TNFRSF19: variants seen among roughly 807,000 people sequenced by gnomAD.
TNFRSF19 encodes the protein TNF receptor superfamily member 19, also known as tumor necrosis factor receptor superfamily member 19.
In TNFRSF19, 27 loss-of-function variants were observed where a neutral mutation model predicts 46.4. The observed-to-expected ratio is 0.58, with a 90% CI of 0.43 to 0.80. TNFRSF19 has a LOEUF of 0.80. TNFRSF19 is among the 30% of genes least tolerant of loss of function. TNFRSF19 has a pLI of 0.00. For synonymous variants in TNFRSF19, 204 were observed against 205.0 expected (o/e 1.00, Z 0.04); for missense variants, 511 against 530.8 (o/e 0.96, Z 0.37).
At chr13:23,576,154 G>A (rs1234998285) in intron 1 of TNFRSF19, among the ~76,000 whole-genome samples, 1 of 145,334 alleles carries the variant, frequency 6.9e-6, no homozygotes, top group East Asian at 2.0e-4. Context: ...TTTTTTTTGA[G>A]ACCGAGTCTT....
chr13:23,587,974 G>A (rs909051441), intron 1 of TNFRSF19, among the ~76,000 whole-genome samples: 1 of 152,158 alleles, frequency 6.6e-6, no homozygotes, highest in African/African-American at 2.4e-5. Flanking sequence ...CTATTTGTCC[G>A]ACGGATTACA....
chr13:23,650,703 T>C (rs1229532605), intron 5 of TNFRSF19, among the ~76,000 whole-genome samples: 5 of 152,194 alleles, frequency 3.3e-5, no homozygotes, highest in African/African-American at 1.2e-4. Context: ...ATTCAGCTTC[T>C]TAATAGTAAA....
At chr13:23,636,265 A>T (rs1882671384) in intron 5 of TNFRSF19, among the ~76,000 whole-genome samples, 1 of 152,200 alleles carries the variant, frequency 6.6e-6, no homozygotes. Context: ...AATTCCTGAA[A>T]ATATTGCCAG....
chr13:23,638,173 C>T (rs1247175296), intron 5 of TNFRSF19, among the ~76,000 whole-genome samples: 1 of 152,048 alleles, frequency 6.6e-6, no homozygotes, highest in Admixed American at 6.6e-5. Flanking sequence ...GTTATGGGTC[C>T]GTAGACTATT....
At chr13:23,597,265 T>C (rs1053579702) in intron 3 of TNFRSF19, among the ~76,000 whole-genome samples, 8 of 151,686 alleles carry the variant, frequency 5.3e-5, no homozygotes, top group Non-Finnish European at 1.2e-4. Context: ...CTGAAGGAGA[T>C]AGAGACACCA....
chr13:23,579,035 G>A (rs1020772053), intron 1 of TNFRSF19, among the ~76,000 whole-genome samples: 1 of 152,234 alleles, frequency 6.6e-6, no homozygotes, highest in African/African-American at 2.4e-5. Flanking sequence ...CGCGGGAAAG[G>A]CTGAAAGGTG....
At position 23,659,155 on chromosome 13, in the gene TNFRSF19, C is replaced by T; in HGVS notation, c.551C>T (p.Ala184Val). The part of the protein sequence containing the change: ...ICSALATVLL[A>V]LLILCVIYCK... Reference sequence around the variant, plus strand: ...AGCGCTCTGGCCACCGTCCTGCTGGCCCTGCTCATCCTCTGTGTCATCTAT... The same window carrying T: ...AGCGCTCTGGCCACCGTCCTGCTGGTCCTGCTCATCCTCTGTGTCATCTAT... The change falls in exon 6 of 10, where the codon GCC becomes GTC. Residue 184 changes from alanine to valine, a missense_variant. By Grantham distance (64) the Ala-to-Val change is moderately conservative. This residue lies in a region of TNFRSF19 where 376 missense variants were observed against 372.7 expected (regional missense o/e 1.01). Coordinates refer to ENST00000248484, the MANE Select transcript of TNFRSF19 (RefSeq NM_148957.4). The surrounding 1 kb of genome is among the most constrained non-coding windows in gnomAD (Gnocchi z 4.9). The T allele has an allele frequency of 6.2e-7, 1 of 1,614,150 alleles. No homozygotes were observed. Among genetic ancestry groups the T allele is most frequent in the Non-Finnish European group, 8.5e-7 (1 of 1,180,034 alleles).
At chr13:23,607,610 A>G (rs1275476932) in intron 3 of TNFRSF19, among the ~76,000 whole-genome samples, 2 of 152,232 alleles carry the variant, frequency 1.3e-5, no homozygotes, top group Non-Finnish European at 2.9e-5. Flanking sequence ...AAGCTAGACC[A>G]AACTATTGAT....
At chr13:23,667,122 T>G (rs1427369570) in intron 7 of TNFRSF19, among the ~76,000 whole-genome samples, 3 of 81,354 alleles carry the variant, frequency 3.7e-5, no homozygotes, top group African/African-American at 1.6e-4. Flanking sequence ...ATCAGAGTGA[T>G]ATATATATAT....
intron 5 of TNFRSF19, among the ~76,000 whole-genome samples, chr13:23,634,277 C>T (rs773257873): frequency 2.0e-5 from 3 of 152,194 alleles, no homozygotes; most frequent in African/African-American, 7.2e-5. Context: ...TCTTCAAAGT[C>T]GCTGTGTGCC....
intron 3 of TNFRSF19, among the ~76,000 whole-genome samples, chr13:23,604,839 A>G (rs1030721331): frequency 2.6e-5 from 4 of 152,210 alleles, no homozygotes; most frequent in Non-Finnish European, 5.9e-5. Flanking sequence ...AAAACAGGTC[A>G]CAGACCTAAC....
Position 23,673,783 on chromosome 13 carries a change from T to C in TNFRSF19, c.*403T>C. 5.4e-6 allele frequency: 1 copy of C among 186,746 alleles called. No homozygotes were observed. Among genetic ancestry groups the C allele is most frequent in the Non-Finnish European group, 1.1e-5 (1 of 91,620 alleles). The allele number at this position is 186,746 out of a possible 1,614,324, so 11.6% of individuals were successfully genotyped here. A position where few individuals can be genotyped will look rare whatever the true frequency, so the allele number is the denominator to read the frequency against. On this transcript the variant is annotated 3_prime_UTR_variant, in exon 10 of 10. Coordinates refer to ENST00000248484, the MANE Select transcript of TNFRSF19 (RefSeq NM_148957.4). ...AAGACTGAAGACCCAGAGTATACTT[T>C]TTCTTTCCAGAAATAATTTCATACC...
At chr13:23,650,593 G>T (rs966740495) in intron 5 of TNFRSF19, among the ~76,000 whole-genome samples, 25 of 152,152 alleles carry the variant, frequency 1.6e-4, no homozygotes, top group Admixed American at 2.6e-4. Flanking sequence ...CTGCAGGGAT[G>T]GGGGAAAGGG....
At chr13:23,669,511 A>C (rs1450159854) in intron 9 of TNFRSF19, 1 of 985,144 alleles carries the variant, frequency 1.0e-6, no homozygotes, top group African/African-American at 1.7e-5. Context: ...TGCCAAGTTT[A>C]TGTGAATTTT....
At chr13:23,598,844 C>G (rs866250106) in intron 3 of TNFRSF19, among the ~76,000 whole-genome samples, 28 of 152,278 alleles carry the variant, frequency 1.8e-4, no homozygotes, top group Middle Eastern at 6.8e-3. Context: ...ACATCAAAGC[C>G]TTTCTGTTAG....
intron 2 of TNFRSF19, 94 bp from the exon 3 acceptor site, chr13:23,593,251 T>C: frequency 1.5e-6 from 1 of 659,280 alleles, no homozygotes; most frequent in Non-Finnish European, 2.6e-6. Flanking sequence ...CATTCAGTGA[T>C]TGTGTGACTA....
At chr13:23,660,699 G>A (rs571023579) in intron 7 of TNFRSF19, among the ~76,000 whole-genome samples, 1 of 152,086 alleles carries the variant, frequency 6.6e-6, no homozygotes, top group Non-Finnish European at 1.5e-5. Context: ...TAAGCATCTC[G>A]TTAAAATTCT....
rs189156753 is a variant in TNFRSF19 at position 23,659,334 on chromosome 13, G to T, written c.610+120G>T. The T allele has an allele frequency of 1.8e-4, 200 of 1,108,220 alleles. No homozygotes were observed. The African/African-American group carries it at 2.9e-3, about 16-fold the overall frequency. The allele number at this position is 1,108,220 out of a possible 1,614,324, so 68.6% of individuals were successfully genotyped here. ...AAGCACCAGTGAGTTGTGAAAGAAC[G>T]CAGGGCACAAGAAACACAGGTGATC... On this transcript the variant is annotated intron_variant, in intron 6 of 9. Transcript: ENST00000248484. This position sits in a 1 kb window ranked among gnomAD's most constrained non-coding sequence, Gnocchi z 4.9.
At position 23,579,920 on chromosome 13, in the gene TNFRSF19, C is replaced by G. The variant is rs538121745; in HGVS notation, c.-35+9072C>G. ...GCCCGCCCGCGTCCTGCGGAGGTCC[C>G]CTGAGCCAGCGCGCGGCTGCAGGGG... On this transcript the variant is annotated intron_variant, in intron 1 of 9. Coordinates refer to ENST00000248484, the MANE Select transcript of TNFRSF19 (RefSeq NM_148957.4). Among the ~76,000 whole-genome samples, 26 of 151,912 alleles carry G rather than the reference C, an allele frequency of 1.7e-4. No individual in the cohort carries two copies. In the East Asian group the frequency reaches 4.7e-3, roughly 27 times the overall value.
Sources: allele counts gnomAD v4.1 joint callset (sites outside exome capture counted in the v4.1 genomes callset), GRCh38; gene constraint gnomAD v4.1.1; regional missense constraint gnomAD v4.1.1; non-coding constraint Gnocchi (gnomAD v3.1); transcripts MANE v1.5; gene names NCBI Gene and HGNC (gene_info 2026-07-23, HGNC 2026-07-21).